GRID1: variants seen among roughly 807,000 people sequenced by gnomAD.
GRID1 encodes glutamate receptor ionotropic, delta-1.
Under a neutral mutation model 98.0 loss-of-function variants are expected in GRID1, and 28 were observed. The ratio of observed to expected loss-of-function variants is 0.29; its 90% CI spans 0.21 to 0.39. The LOEUF (loss-of-function observed/expected upper bound fraction) is 0.39, where lower values mean the gene tolerates loss of function less well. Ranked by LOEUF, GRID1 falls within the 10% of genes least tolerant of loss-of-function variation. The probability of loss-of-function intolerance (pLI) is 1.00; values close to 1 mark genes in which losing one functional copy is unlikely to be tolerated. For missense variants in GRID1, 1,111 were observed against 1,340.5 expected, an observed-to-expected ratio of 0.83 and a Z score of 2.67; for synonymous variants, 553 against 538.5, an observed-to-expected ratio of 1.03 and a Z score of -0.37.
chr10:85,818,278 C>A lies in GRID1; in HGVS notation c.1233+36218G>T, dbSNP rs546049985. Among the ~76,000 whole-genome samples, 13 of 152,280 alleles carry A rather than the reference C, an allele frequency of 8.5e-5. No individual in the cohort carries two copies. The South Asian group carries it at 2.7e-3, about 32-fold the overall frequency. The stretch of plus-strand genomic sequence containing the variant: ...TACATACATGTATGTGTGTTTATAT[C>A]TACCTATGTTTCCATCTATTTGTAT... On this transcript the variant is annotated intron_variant, in intron 8 of 15. Transcript: ENST00000327946.
intron 12 of GRID1, among the ~76,000 whole-genome samples, chr10:85,720,010 C>A (rs750032881): frequency 4.6e-5 from 7 of 152,110 alleles, no homozygotes; most frequent in Non-Finnish European, 1.0e-4. Flanking sequence ...ATGTTGTATA[C>A]TGTAAATTTT....
rs1330709705 is a variant in GRID1, at chr10:86,117,060, GCCA to G, written c.726+21756_726+21758del. ...CATCACCACCATCACCACTACCATT[GCCA>G]CCACCACCAATAACAACACCTTTAC... On this transcript the variant is annotated intron_variant, in intron 4 of 15. Coordinates refer to ENST00000327946, the MANE Select transcript of GRID1 (RefSeq NM_017551.3). Among the ~76,000 whole-genome samples the G allele has an allele frequency of 2.7e-5, 3 of 112,274 alleles. No homozygotes were observed. The East Asian group carries it at 8.1e-4, about 30-fold the overall frequency. The allele number at this position is 112,274 out of a possible 152,430, so 73.7% of individuals were successfully genotyped here.
chr10:86,336,369 C>G (rs1848221395), intron 2 of GRID1, among the ~76,000 whole-genome samples: 1 of 152,198 alleles, frequency 6.6e-6, no homozygotes, highest in Non-Finnish European at 1.5e-5. Context: ...AATGGAAGAA[C>G]CGTGACATCC....
intron 4 of GRID1, among the ~76,000 whole-genome samples, chr10:86,013,152 T>C (rs575785312): frequency 6.6e-6 from 1 of 152,314 alleles, no homozygotes; most frequent in South Asian, 2.1e-4. Context: ...CCCGAGTGTC[T>C]GTTTGGAATA....
chr10:86,196,172 C>A (rs1472457035), intron 3 of GRID1, among the ~76,000 whole-genome samples: 1 of 152,032 alleles, frequency 6.6e-6, no homozygotes, highest in Non-Finnish European at 1.5e-5. Context: ...CACACCCTGG[C>A]ATTTTAGTCA....
chr10:85,721,067 T>C (rs12217698), intron 12 of GRID1, among the ~76,000 whole-genome samples: 9,095 of 152,178 alleles, frequency 0.06, 518 homozygotes, highest in African/African-American at 0.15. Flanking sequence ...AGGGGATATA[T>C]ACATAGCAAA....
At chr10:86,014,374 G>A (rs1178112040) in intron 4 of GRID1, among the ~76,000 whole-genome samples, 3 of 152,168 alleles carry the variant, frequency 2.0e-5, no homozygotes, top group South Asian at 4.1e-4. Flanking sequence ...TTAATGCATA[G>A]GCTGAGCCAC....
At chr10:85,730,302 A>G (rs1325539467) in intron 8 of GRID1, among the ~76,000 whole-genome samples, 1 of 152,258 alleles carries the variant, frequency 6.6e-6, no homozygotes, top group Non-Finnish European at 1.5e-5. Context: ...ACCTTGGCTC[A>G]GAAACAATGA....
At chr10:86,339,819 A>C (rs1277405225) in intron 2 of GRID1, among the ~76,000 whole-genome samples, 1 of 152,216 alleles carries the variant, frequency 6.6e-6, no homozygotes, top group Non-Finnish European at 1.5e-5. Flanking sequence ...ACGGCGCTAG[A>C]GATGAGGACC....
intron 4 of GRID1, among the ~76,000 whole-genome samples, chr10:86,053,544 T>C (rs1034309189): frequency 2.6e-5 from 4 of 151,750 alleles, no homozygotes; most frequent in Non-Finnish European, 4.4e-5. Context: ...GTATTTTTAG[T>C]AGAGATGGGG....
At chr10:85,820,501 T>C (rs942369483) in intron 8 of GRID1, among the ~76,000 whole-genome samples, 1 of 152,186 alleles carries the variant, frequency 6.6e-6, no homozygotes, top group Admixed American at 6.5e-5. Flanking sequence ...CAAGGTCTGA[T>C]TTTTCAAATT....
At chr10:85,907,828 T>C (rs954776061) in intron 5 of GRID1, among the ~76,000 whole-genome samples, 3 of 152,162 alleles carry the variant, frequency 2.0e-5, no homozygotes, top group African/African-American at 4.8e-5. Flanking sequence ...AAGGATAATA[T>C]AATATGAAAA....
intron 4 of GRID1, among the ~76,000 whole-genome samples, chr10:86,080,860 G>T (rs1265725877): frequency 6.6e-6 from 1 of 152,092 alleles, no homozygotes. Flanking sequence ...CAGGGGACAG[G>T]GTATCTACAC....
At chr10:85,897,396 TGG>T (rs1841308140) in intron 5 of GRID1, among the ~76,000 whole-genome samples, 2 of 152,180 alleles carry the variant, frequency 1.3e-5, no homozygotes, top group Non-Finnish European at 1.5e-5. Context: ...ATAGGTAAAA[TGG>T]CCTGAGCCAG....
At chr10:85,660,909 A>G (rs1006904222) in intron 12 of GRID1, among the ~76,000 whole-genome samples, 1 of 152,030 alleles carries the variant, frequency 6.6e-6, no homozygotes, top group African/African-American at 2.4e-5. Context: ...TGGATAAGCT[A>G]CCTAACCTCT....
rs12573321 is a variant in GRID1, at chr10:86,063,320, C to T, written c.726+75499G>A. ...AGGTGCTAGAGAAACATACGCCAGC[C>T]GCTGGGAAGCATAAAGGAGCTCATG... is the stretch of plus-strand genomic sequence containing the variant. On this transcript the variant is annotated intron_variant, in intron 4 of 15. Transcript: ENST00000327946. 2.0e-3 allele frequency among the ~76,000 whole-genome samples: 304 copies of T among 152,264 alleles called. 8 individuals are homozygous for T. In the East Asian group the frequency reaches 0.047, roughly 24 times the overall value.
At position 85,992,444 on chromosome 10, in the gene GRID1, C is replaced by A. The variant is rs368863868; in HGVS notation, c.727-76205G>T. Among the ~76,000 whole-genome samples the A allele has an allele frequency of 1.2e-4, 18 of 152,142 alleles. No individual in the cohort carries two copies. The East Asian group carries it at 2.9e-3, about 25-fold the overall frequency. On this transcript the variant is annotated intron_variant, in intron 4 of 15. Coordinates refer to ENST00000327946, the MANE Select transcript of GRID1 (RefSeq NM_017551.3). ...ATTATTATGGGTCAGTATCTTGAAG[C>A]CTCACTAAGAAGACATGAAGATAAG...
At chr10:85,663,450 C>T (rs1840987923) in intron 12 of GRID1, among the ~76,000 whole-genome samples, 1 of 152,202 alleles carries the variant, frequency 6.6e-6, no homozygotes, top group Non-Finnish European at 1.5e-5. Flanking sequence ...GCTCTGCCCA[C>T]ATTTTGATCT....
At position 85,750,298 on chromosome 10, in the gene GRID1, A is replaced by G. The variant is rs922069010; in HGVS notation, c.1234-20684T>C. ...ATTCAGCTGTGCTCAAAAGCACACA[A>G]CTCTTCTGACCCATCACCAGGGAAG... On this transcript the variant is annotated intron_variant, in intron 8 of 15. Transcript: ENST00000327946. Among the ~76,000 whole-genome samples, 8 of 152,222 alleles carry G rather than the reference A, an allele frequency of 5.3e-5. No individual in the cohort carries two copies. In the Middle Eastern group the frequency reaches 0.014, roughly 259 times the overall value.
Sources: allele counts gnomAD v4.1 joint callset (sites outside exome capture counted in the v4.1 genomes callset), GRCh38; gene constraint gnomAD v4.1.1; transcripts MANE v1.5; gene names NCBI Gene and HGNC (gene_info 2026-07-23, HGNC 2026-07-21).